The following NTAQ1 variants were observed in gnomAD, a reference collection of about 807,000 sequenced individuals.
NTAQ1 encodes N-terminal glutamine amidase 1.
A neutral mutation model predicts 28.2 loss-of-function variants in NTAQ1; 21 were observed. The observed-to-expected ratio is 0.74, with a 90% CI of 0.53 to 1.07. The LOEUF is 1.07. NTAQ1 is among the 50% of genes least tolerant of loss of function. NTAQ1 has a pLI of 0.00. For synonymous variants in NTAQ1, 105 were observed against 90.0 expected (o/e 1.17, Z -0.94); for missense variants, 264 against 256.6 (o/e 1.03, Z -0.20).
the NTAQ1 span, among the ~76,000 whole-genome samples, chr8:123,475,672 TAAAG>T: frequency 2.0e-5 from 3 of 152,328 alleles, no homozygotes; most frequent in African/African-American, 7.2e-5. Context: ...CTCCTAATAA[TAAAG>T]AGAGTAGGTC....
At chr8:123,473,072 G>GTT (rs1448523868), downstream of NTAQ1, among the ~76,000 whole-genome samples, 1 of 151,776 alleles carries the variant, frequency 6.6e-6, no homozygotes, top group African/African-American at 2.4e-5. Flanking sequence ...CTCCTTGAGA[G>GTT]TTAGTTTACT....
intron 3 of NTAQ1, among the ~76,000 whole-genome samples, chr8:123,430,846 T>G (rs1442701162): frequency 6.6e-6 from 1 of 152,194 alleles, no homozygotes; most frequent in Non-Finnish European, 1.5e-5. Context: ...TTAGTGTTCT[T>G]GATGAACTCC....
chr8:123,471,008 C>T (rs140217094), downstream of NTAQ1, among the ~76,000 whole-genome samples: 304 of 151,906 alleles, frequency 2.0e-3, 2 homozygotes, highest in African/African-American at 7.1e-3. Context: ...GCAACCTTGA[C>T]TTCCTGGGCT....
intron 1 of NTAQ1, among the ~76,000 whole-genome samples, chr8:123,425,775 C>T (rs12235062): frequency 0.3 from 45,583 of 151,718 alleles, 7,377 homozygotes; most frequent in South Asian, 0.45. Flanking sequence ...TTTGGGAGGC[C>T]GAGGCAGGTG....
downstream of NTAQ1, among the ~76,000 whole-genome samples, chr8:123,449,983 A>T (rs1353068613): frequency 5.9e-5 from 7 of 119,404 alleles, no homozygotes; most frequent in Non-Finnish European, 1.0e-4. Context: ...ATGCTGGATA[A>T]AGGGGTCCCA....
intron 2 of NTAQ1, among the ~76,000 whole-genome samples, chr8:123,428,895 C>A (rs760861047): frequency 2.0e-5 from 3 of 152,156 alleles, no homozygotes; most frequent in African/African-American, 7.2e-5. Flanking sequence ...AGCCACTGTG[C>A]CTGGCCATTT....
Position 123,437,207 on chromosome 8 carries a change from C to T in NTAQ1, c.384-3C>T, listed in dbSNP as rs765435448. 1 of 1,613,144 alleles carries T rather than the reference C, an allele frequency of 6.2e-7. No homozygotes were observed. The highest frequency in any genetic ancestry group is 1.7e-5 in the Admixed American group (1 of 59,844). ...ATGTGAGTGTATATTGATTTTTCTG[C>T]AGGAAATTTAGAGTGATCCGTGCAG... On this transcript the variant is annotated splice_region_variant and splice_polypyrimidine_tract_variant and intron_variant, in intron 4 of 5. Transcript: ENST00000287387.
At chr8:123,426,025 G>A (rs895459387) in intron 1 of NTAQ1, among the ~76,000 whole-genome samples, 2 of 151,978 alleles carry the variant, frequency 1.3e-5, no homozygotes, top group Admixed American at 1.3e-4. Flanking sequence ...CTCCGTCCCC[G>A]CTCCCCCCTG....
intron 1 of NTAQ1, among the ~76,000 whole-genome samples, chr8:123,418,193 G>A (rs1196161020): frequency 6.6e-6 from 1 of 152,206 alleles, no homozygotes; most frequent in East Asian, 1.9e-4. Context: ...GCTCACGCCT[G>A]TAATTCCAGC....
At chr8:123,434,209 T>G (rs1320755999) in intron 3 of NTAQ1, among the ~76,000 whole-genome samples, 57 of 152,218 alleles carry the variant, frequency 3.7e-4, no homozygotes, top group African/African-American at 1.3e-3. Flanking sequence ...CCTGCAGCAG[T>G]TTACCTGGTT....
downstream of NTAQ1, among the ~76,000 whole-genome samples, chr8:123,449,094 G>A (rs2130369357): frequency 6.6e-6 from 1 of 152,294 alleles, no homozygotes; most frequent in Admixed American, 6.5e-5. Flanking sequence ...TGTGTCACTG[G>A]GGGCCCCATG....
chr8:123,435,494 C>T (rs1261719554), intron 3 of NTAQ1: 16 of 985,442 alleles, frequency 1.6e-5, no homozygotes, highest in African/African-American at 1.6e-4. Context: ...TCCTTGCAGA[C>T]GTTTTCCTCT....
intron 6 of NTAQ1, among the ~76,000 whole-genome samples, chr8:123,460,845 G>A (rs3779988): frequency 0.49 from 75,158 of 151,896 alleles, 19,836 homozygotes; most frequent in Non-Finnish European, 0.59. Context: ...GCTGAACGTT[G>A]CAAAGGAAGC....
At chr8:123,469,788 T>C (rs1025125663) in exon 7 of NTAQ1, among the ~76,000 whole-genome samples, 5 of 152,198 alleles carry the variant, frequency 3.3e-5, no homozygotes, top group African/African-American at 7.2e-5. Context: ...GCCAAGGCAA[T>C]ATAGGTGTGT....
chr8:123,461,583 A>G (rs1815826005), intron 6 of NTAQ1, among the ~76,000 whole-genome samples: 1 of 152,144 alleles, frequency 6.6e-6, no homozygotes, highest in African/African-American at 2.4e-5. Flanking sequence ...CATGCTTAGT[A>G]TCTGCTATAA....
At chr8:123,432,805 C>T (rs945698366) in intron 3 of NTAQ1, among the ~76,000 whole-genome samples, 1 of 151,748 alleles carries the variant, frequency 6.6e-6, no homozygotes, top group East Asian at 2.0e-4. Flanking sequence ...CTCAGCCTCC[C>T]GAGTAGCTGG....
chr8:123,451,343 CT>C (rs1431764291), downstream of NTAQ1, among the ~76,000 whole-genome samples: 1 of 151,738 alleles, frequency 6.6e-6, no homozygotes. Context: ...GTCTGTTTTC[CT>C]TTTTTTTAAA....
rs191458978 is a variant in NTAQ1 at position 123,425,192 on chromosome 8, A to G, written c.84-2732A>G. Reference sequence around the variant, plus strand: ...CTGCAACCTCCGCCTCCTGGTTTCAAGCGATTCTCCTGCCTCAGCCTCCCG... The same window carrying G: ...CTGCAACCTCCGCCTCCTGGTTTCAGGCGATTCTCCTGCCTCAGCCTCCCG... On this transcript the variant is annotated intron_variant, in intron 1 of 5. Transcript: ENST00000287387. Among the ~76,000 whole-genome samples, 456 of 152,126 alleles carry G rather than the reference A, an allele frequency of 3.0e-3. 2 individuals are homozygous for G. The highest frequency in any genetic ancestry group is 0.01 in the African/African-American group (431 of 41,514).
chr8:123,418,932 T>A (rs1476315699), intron 1 of NTAQ1, among the ~76,000 whole-genome samples: 1 of 152,162 alleles, frequency 6.6e-6, no homozygotes, highest in African/African-American at 2.4e-5. Context: ...CTAGCCCTAG[T>A]TATGACAACC....
Sources: allele counts gnomAD v4.1 joint callset (sites outside exome capture counted in the v4.1 genomes callset), GRCh38; gene constraint gnomAD v4.1.1; transcripts MANE v1.5; gene names NCBI Gene and HGNC (gene_info 2026-07-23, HGNC 2026-07-21).